CRB1: variants seen among roughly 807,000 people sequenced by gnomAD.
The protein encoded by CRB1 is crumbs cell polarity complex component 1.
In CRB1, 83 loss-of-function variants were observed where a neutral mutation model predicts 120.0. That is an observed-to-expected ratio of 0.69 (90% CI 0.58 to 0.83). The LOEUF (loss-of-function observed/expected upper bound fraction) is 0.83. Ranked by LOEUF, CRB1 falls within the 40% of genes least tolerant of loss-of-function variation. The pLI is 0.00. For missense variants in CRB1, 1,699 were observed against 1,687.6 expected, an observed-to-expected ratio of 1.01 and a Z score of -0.12; for synonymous variants, 625 against 612.5, an observed-to-expected ratio of 1.02 and a Z score of -0.30.
intron 1 of CRB1, among the ~76,000 whole-genome samples, chr1:197,310,531 G>A (rs1657454300): frequency 6.6e-6 from 1 of 152,036 alleles, no homozygotes; most frequent in Non-Finnish European, 1.5e-5. Flanking sequence ...CAGTTGAAAG[G>A]GAAATGAATT....
intron 5 of CRB1, among the ~76,000 whole-genome samples, chr1:197,358,488 A>G (rs776271423): frequency 3.3e-5 from 5 of 152,210 alleles, no homozygotes; most frequent in Non-Finnish European, 7.3e-5. Context: ...TGATTTCTGA[A>G]GAGCTGCCAG....
At chr1:197,269,364 C>T (rs1051541115) in intron 1 of CRB1, among the ~76,000 whole-genome samples, 1 of 152,170 alleles carries the variant, frequency 6.6e-6, no homozygotes, top group African/African-American at 2.4e-5. Flanking sequence ...GAGATTGTTA[C>T]TTGTACGGTT....
intron 5 of CRB1, among the ~76,000 whole-genome samples, chr1:197,391,811 T>C (rs1052687872): frequency 2.0e-5 from 3 of 151,688 alleles, no homozygotes; most frequent in Non-Finnish European, 4.4e-5. Flanking sequence ...CAGAAAAAAA[T>C]ATTAAGAAGG....
chr1:197,471,885 G>T (rs1666993974), intron 11 of CRB1, among the ~76,000 whole-genome samples: 5 of 152,148 alleles, frequency 3.3e-5, no homozygotes, highest in Admixed American at 2.6e-4. Context: ...CGATCTACTT[G>T]TCAGAATAGC....
chr1:197,429,272 G>A (rs1664754495), intron 7 of CRB1, among the ~76,000 whole-genome samples, 177 bp from the exon 8 acceptor site: 1 of 152,156 alleles, frequency 6.6e-6, no homozygotes, highest in Non-Finnish European at 1.5e-5. Context: ...TTAGAAAGGA[G>A]TTGGTAATGG....
At chr1:197,470,398 G>T (rs1421854997) in intron 11 of CRB1, among the ~76,000 whole-genome samples, 1 of 152,174 alleles carries the variant, frequency 6.6e-6, no homozygotes. Context: ...GTTATTAGGA[G>T]AATTAAAGCA....
chr1:197,272,709 T>C (rs1654974084), intron 1 of CRB1, among the ~76,000 whole-genome samples: 2 of 152,284 alleles, frequency 1.3e-5, no homozygotes, highest in South Asian at 4.1e-4. Flanking sequence ...TCCAATTTTA[T>C]AGCATCCTGT....
chr1:197,473,446 A>G (rs528595685), intron 11 of CRB1, among the ~76,000 whole-genome samples: 26 of 152,306 alleles, frequency 1.7e-4, no homozygotes, highest in Admixed American at 7.2e-4. Flanking sequence ...AACCCAGTTA[A>G]TGTTTCAGAA....
intron 11 of CRB1, among the ~76,000 whole-genome samples, chr1:197,449,769 CAGTT>C (rs1356078636): frequency 6.6e-6 from 1 of 152,152 alleles, no homozygotes; most frequent in Non-Finnish European, 1.5e-5. Flanking sequence ...AATCTCTGCT[CAGTT>C]ATTTTGTCTT....
At chr1:197,439,636 C>T (rs892570876) in intron 10 of CRB1, 1 of 152,048 alleles carries the variant, frequency 6.6e-6, no homozygotes. Flanking sequence ...TCTTCCATCT[C>T]ATGTATCATC....
chr1:197,355,564 C>T (rs957883245), intron 4 of CRB1, among the ~76,000 whole-genome samples: 62 of 152,312 alleles, frequency 4.1e-4, no homozygotes, highest in Non-Finnish European at 7.4e-5. Context: ...TGAGGCCTGG[C>T]GAGAATTCCA....
At chr1:197,333,058 T>C (rs1658956066) in intron 2 of CRB1, among the ~76,000 whole-genome samples, 1 of 152,086 alleles carries the variant, frequency 6.6e-6, no homozygotes, top group African/African-American at 2.4e-5. Context: ...GTGCACCACA[T>C]CCAAATTTAG....
intron 6 of CRB1, among the ~76,000 whole-genome samples, chr1:197,425,513 G>A (rs898855971): frequency 6.6e-6 from 1 of 152,160 alleles, no homozygotes; most frequent in Admixed American, 6.5e-5. Context: ...TTTCTGGTTA[G>A]TACTGGGATA....
intron 11 of CRB1, among the ~76,000 whole-genome samples, chr1:197,446,123 G>A (rs1665687895): frequency 1.3e-5 from 2 of 151,990 alleles, no homozygotes; most frequent in African/African-American, 4.8e-5. Flanking sequence ...CCGGGAGGTG[G>A]AGGTTGCAGT....
chr1:197,363,443 A>G (rs1316286147), intron 5 of CRB1, among the ~76,000 whole-genome samples: 1 of 152,108 alleles, frequency 6.6e-6, no homozygotes, highest in Non-Finnish European at 1.5e-5. Flanking sequence ...TTGCACATTC[A>G]TTCCTGATAA....
At chr1:197,461,439 G>T (rs1156384219) in intron 11 of CRB1, among the ~76,000 whole-genome samples, 2 of 152,116 alleles carry the variant, frequency 1.3e-5, no homozygotes, top group Non-Finnish European at 2.9e-5. Context: ...AGAGCCTGGG[G>T]TGGGTTATGA....
At chr1:197,310,339 T>C (rs1657442232) in intron 1 of CRB1, among the ~76,000 whole-genome samples, 1 of 152,166 alleles carries the variant, frequency 6.6e-6, no homozygotes, top group Non-Finnish European at 1.5e-5. Context: ...CATCGTCTTT[T>C]GTCTTCGCCC....
intron 5 of CRB1, among the ~76,000 whole-genome samples, chr1:197,420,428 G>A (rs1436487476): frequency 6.6e-6 from 1 of 152,142 alleles, no homozygotes; most frequent in Non-Finnish European, 1.5e-5. Flanking sequence ...TTTTACACTG[G>A]CATTGCAGGG....
chr1:197,321,534 G>A (rs1658193736), intron 1 of CRB1, among the ~76,000 whole-genome samples: 1 of 152,116 alleles, frequency 6.6e-6, no homozygotes, highest in Non-Finnish European at 1.5e-5. Context: ...CAATGAATCA[G>A]CAAAGCAAAC....
Sources: allele counts gnomAD v4.1 joint callset (sites outside exome capture counted in the v4.1 genomes callset), GRCh38; gene constraint gnomAD v4.1.1; transcripts MANE v1.5; gene names NCBI Gene and HGNC (gene_info 2026-07-23, HGNC 2026-07-21).